Variants in TP53BP1 observed in about 807,000 individuals in gnomAD.
TP53BP1 encodes TP53-binding protein 1.
A neutral mutation model predicts 200.8 loss-of-function variants in TP53BP1; 61 were observed. That is an observed-to-expected ratio of 0.30 (90% CI 0.25 to 0.38). The LOEUF is 0.38. Among genes scored for constraint, TP53BP1 ranks in the 10% least tolerant of loss-of-function variants. The pLI is 1.00. For synonymous variants in TP53BP1, 822 were observed against 844.3 expected, an observed-to-expected ratio of 0.97 and a Z score of 0.46; for missense variants, 2,144 against 2,371.9, an observed-to-expected ratio of 0.90 and a Z score of 2.00.
intron 4 of TP53BP1, among the ~76,000 whole-genome samples, chr15:43,488,477 A>G (rs1413978884): frequency 1.3e-5 from 2 of 152,342 alleles, no homozygotes; most frequent in African/African-American, 4.8e-5. Context: ...GCAGTGTTAG[A>G]ACTGTATCTT....
At chr15:43,499,268 G>C (rs2079197552) in intron 1 of TP53BP1, among the ~76,000 whole-genome samples, 1 of 152,102 alleles carries the variant, frequency 6.6e-6, no homozygotes, top group African/African-American at 2.4e-5. Context: ...CCTACTTAAG[G>C]GTGGAGAGGG....
At position 43,403,831 on chromosome 15, in the gene TP53BP1, G is replaced by A. The variant is rs781674446; in HGVS notation, c.*3552C>T. The A allele has an allele frequency of 1.6e-5, 25 of 1,536,248 alleles. No individual in the cohort carries two copies. The highest frequency in any genetic ancestry group is 3.3e-5 in the Admixed American group (2 of 59,804). On this transcript the variant is annotated 3_prime_UTR_variant, in exon 28 of 28. Transcript: ENST00000382044. The stretch of plus-strand genomic sequence containing the variant: ...CTGCCTGGAAGTATGCAGCCTTGCC[G>A]AAAGGACAGAGGTGGTTTTGCCAAT...
At chr15:43,433,426 C>G (rs2045716699) in intron 16 of TP53BP1, among the ~76,000 whole-genome samples, 1 of 152,056 alleles carries the variant, frequency 6.6e-6, no homozygotes, top group Non-Finnish European at 1.5e-5. Context: ...CTTAAATATC[C>G]CTAACAATTC....
intron 12 of TP53BP1, 119 bp downstream of exon 12, chr15:43,455,773 G>T: frequency 5.0e-6 from 6 of 1,193,708 alleles, no homozygotes; most frequent in Non-Finnish European, 6.9e-6. Flanking sequence ...ATTATTGGTT[G>T]TTCATAAACA....
At chr15:43,495,741 C>T (rs1327519343), upstream of TP53BP1, among the ~76,000 whole-genome samples, 2 of 150,082 alleles carry the variant, frequency 1.3e-5, no homozygotes, top group South Asian at 2.1e-4. Flanking sequence ...GGCGTGAACC[C>T]GGGAGGCGGA....
intron 21 of TP53BP1, among the ~76,000 whole-genome samples, chr15:43,419,339 A>G (rs2045338464): frequency 6.6e-6 from 1 of 152,032 alleles, no homozygotes; most frequent in Admixed American, 6.6e-5. Context: ...ATATGATAAC[A>G]TGAGAAGGGC....
intron 18 of TP53BP1, among the ~76,000 whole-genome samples, chr15:43,423,616 C>T (rs1485474220): frequency 6.6e-6 from 1 of 151,316 alleles, no homozygotes; most frequent in African/African-American, 2.4e-5. Context: ...TAAGATTGTG[C>T]CACTGCACTC....
intron 16 of TP53BP1, among the ~76,000 whole-genome samples, chr15:43,438,040 T>A (rs1240689562): frequency 2.0e-5 from 3 of 152,228 alleles, no homozygotes; most frequent in Non-Finnish European, 4.4e-5. Flanking sequence ...GGGGCCAAAC[T>A]GCCCCTTCAG....
intron 11 of TP53BP1, among the ~76,000 whole-genome samples, chr15:43,462,074 G>A (rs2046447790): frequency 6.6e-6 from 1 of 150,592 alleles, no homozygotes; most frequent in African/African-American, 2.4e-5. Context: ...GCTTACACCT[G>A]TAATCCCAGC....
chr15:43,475,769 A>T (rs2078872042), intron 8 of TP53BP1, 75 bp from the exon 9 acceptor site: 3 of 1,513,924 alleles, frequency 2.0e-6, no homozygotes, highest in Non-Finnish European at 2.7e-6. Flanking sequence ...AGTACTGCAA[A>T]GAGTAATATC....
chr15:43,482,232 AAACAACAACAAC>A (rs138162379), intron 4 of TP53BP1, among the ~76,000 whole-genome samples: 23 of 151,680 alleles, frequency 1.5e-4, no homozygotes, highest in Non-Finnish European at 2.5e-4. Flanking sequence ...CCACCTCAAA[AAACAACAACAAC>A]AACAACAACA....
At chr15:43,455,469 C>T (rs2092844476) in intron 12 of TP53BP1, among the ~76,000 whole-genome samples, 1 of 152,022 alleles carries the variant, frequency 6.6e-6, no homozygotes. Context: ...CCCTGTAATC[C>T]CAGCACTTTG....
intron 1 of TP53BP1, among the ~76,000 whole-genome samples, chr15:43,499,354 C>T (rs1380386150): frequency 6.6e-6 from 1 of 152,022 alleles, no homozygotes; most frequent in East Asian, 1.9e-4. Flanking sequence ...TACACCAAAC[C>T]CCGTGATAAT....
At position 43,403,858 on chromosome 15, in the gene TP53BP1, G is replaced by C. The variant is rs749488252; in HGVS notation, c.*3525C>G. 7.7e-6 allele frequency: 9 copies of C among 1,174,558 alleles called. No homozygotes were observed. Among genetic ancestry groups the C allele is most frequent in the African/African-American group, 1.5e-5 (1 of 66,412 alleles). The allele number at this position is 1,174,558 out of a possible 1,614,324, so 72.8% of individuals were successfully genotyped here. ...AAGGACAGAGGTGGTTTTGCCAATG[G>C]AGAATTCATGATCTTTCCTCTGAGT... On this transcript the variant is annotated 3_prime_UTR_variant, in exon 28 of 28. Coordinates refer to ENST00000382044, the MANE Select transcript of TP53BP1 (RefSeq NM_001141980.3).
Position 43,408,896 on chromosome 15 carries a change from C to T in TP53BP1, c.5600+1G>A. ...ATTCTGGATGGGCTTCAAATACTTA[C>T]CAGTCCAGAATTCTTTGCTCCTCAA... On this transcript the variant is annotated splice_donor_variant, in intron 26 of 27. Coordinates refer to ENST00000382044, the MANE Select transcript of TP53BP1 (RefSeq NM_001141980.3). LOFTEE classifies it high-confidence loss of function. The T allele has an allele frequency of 6.2e-7, 1 of 1,614,094 alleles. No homozygotes were observed. The highest frequency in any genetic ancestry group is 8.5e-7 in the Non-Finnish European group (1 of 1,179,982).
intron 1 of TP53BP1, among the ~76,000 whole-genome samples, chr15:43,509,918 C>T (rs1323204543): frequency 6.6e-6 from 1 of 152,010 alleles, no homozygotes; most frequent in Non-Finnish European, 1.5e-5. Context: ...GAAAGATAGG[C>T]GCTCCCATAC....
At position 43,456,738 on chromosome 15, in the gene TP53BP1, G is replaced by A; in HGVS notation, c.1870C>T (p.Leu624Phe). The A allele has an allele frequency of 2.5e-6, 4 of 1,614,096 alleles. No homozygotes were observed. Among genetic ancestry groups the A allele is most frequent in the Non-Finnish European group, 3.4e-6 (4 of 1,180,038 alleles). Residue 624 changes from leucine (L) to phenylalanine (F), a missense_variant, in exon 12 of 28, where the codon CTC (leucine) becomes TTC (phenylalanine). Transcript: ENST00000382044. ...ETVAEDVCIDLTCDSGSQAVP... is the reference protein window; with the variant it reads ...ETVAEDVCIDFTCDSGSQAVP... Reference sequence around the variant, plus strand: ...GCCTGACTCCCCGAATCACAAGTGAGATCAATACAAACATCTTCTGCTACC... The same window carrying A: ...GCCTGACTCCCCGAATCACAAGTGAAATCAATACAAACATCTTCTGCTACC...
At chr15:43,485,173 C>T (rs533937371) in intron 4 of TP53BP1, among the ~76,000 whole-genome samples, 1 of 152,256 alleles carries the variant, frequency 6.6e-6, no homozygotes, top group Non-Finnish European at 1.5e-5. Context: ...TCATATATTG[C>T]TATACCCTAC....
At chr15:43,474,576 G>A in intron 10 of TP53BP1, 97 bp downstream of exon 10, 1 of 753,264 alleles carries the variant, frequency 1.3e-6, no homozygotes, top group Non-Finnish European at 2.2e-6. Flanking sequence ...TAGGTCACAA[G>A]CATTCTAAAG....
Sources: gnomAD v4.1 joint callset for allele counts (sites outside exome capture counted in the v4.1 genomes callset) on GRCh38, gnomAD v4.1.1 for gene constraint, MANE v1.5 for transcripts, NCBI Gene and HGNC (gene_info 2026-07-23, HGNC 2026-07-21) for gene names.